The following PTPRC variants were observed in gnomAD, a reference collection of about 807,000 sequenced individuals.
PTPRC encodes protein tyrosine phosphatase receptor type C.
In PTPRC, 44 loss-of-function variants were observed where a neutral mutation model predicts 155.9. The ratio of observed to expected loss-of-function variants is 0.28; its 90% CI spans 0.22 to 0.36. The LOEUF is 0.36. PTPRC is among the 10% of genes least tolerant of loss of function. PTPRC has a pLI of 1.00. For missense variants in PTPRC, 1,401 were observed against 1,564.6 expected, an observed-to-expected ratio of 0.90 and a Z score of 1.76; for synonymous variants, 525 against 533.1, an observed-to-expected ratio of 0.98 and a Z score of 0.21.
intron 2 of PTPRC, among the ~76,000 whole-genome samples, chr1:198,649,526 C>T (rs1282943349): frequency 6.6e-6 from 1 of 151,816 alleles, no homozygotes; most frequent in Admixed American, 6.6e-5. Context: ...TGGATTCAGA[C>T]AATCGCTACT....
chr1:198,750,451 T>C, intron 28 of PTPRC, 41 bp from the exon 29 acceptor site: 1 of 1,589,884 alleles, frequency 6.3e-7, no homozygotes, highest in Non-Finnish European at 8.6e-7. Context: ...CTGAGCTCTC[T>C]TCTGTAGTAA....
chr1:198,732,858 A>AAATAC (rs1654457661), intron 20 of PTPRC, among the ~76,000 whole-genome samples: 1 of 151,920 alleles, frequency 6.6e-6, no homozygotes, highest in Admixed American at 6.6e-5. Context: ...TCTCACAAGA[A>AAATAC]GTCCACATTT....
At chr1:198,746,674 G>T (rs1443900712) in intron 26 of PTPRC, among the ~76,000 whole-genome samples, 1 of 151,804 alleles carries the variant, frequency 6.6e-6, no homozygotes, top group African/African-American at 2.4e-5. Context: ...TTAGACTTGT[G>T]ATGGCAAGTG....
intron 2 of PTPRC, among the ~76,000 whole-genome samples, chr1:198,684,629 G>C (rs1013093112): frequency 6.6e-6 from 1 of 151,732 alleles, no homozygotes; most frequent in Non-Finnish European, 1.5e-5. Flanking sequence ...GATATTTTGT[G>C]ATTTTTAAAT....
intron 2 of PTPRC, among the ~76,000 whole-genome samples, chr1:198,658,955 C>A (rs1002201047): frequency 2.6e-5 from 4 of 152,010 alleles, no homozygotes; most frequent in African/African-American, 9.7e-5. Flanking sequence ...TACAGACATG[C>A]GCAGGAAGTA....
intron 2 of PTPRC, among the ~76,000 whole-genome samples, chr1:198,684,811 C>G (rs1309257406): frequency 6.6e-6 from 1 of 152,022 alleles, no homozygotes; most frequent in Non-Finnish European, 1.5e-5. Context: ...TGGTTATCCT[C>G]TCTTTTGCTC....
rs187252346 is a variant in PTPRC, at chr1:198,659,087, T to G, written c.73+19746T>G. Among the ~76,000 whole-genome samples the G allele has an allele frequency of 5.3e-4, 81 of 152,298 alleles. No individual in the cohort carries two copies. The East Asian group carries it at 0.015, about 28-fold the overall frequency. Reference sequence around the variant, plus strand: ...AAGTTGAGAACCAACTTATTTCAAGTAAAATTAAAATTTTGAGAGATAAGA... The same window carrying G: ...AAGTTGAGAACCAACTTATTTCAAGGAAAATTAAAATTTTGAGAGATAAGA... On this transcript the variant is annotated intron_variant, in intron 2 of 32. Coordinates refer to ENST00000442510, the MANE Select transcript of PTPRC (RefSeq NM_002838.5).
At chr1:198,653,351 G>GGAGT (rs1557968942) in intron 2 of PTPRC, among the ~76,000 whole-genome samples, 1 of 151,682 alleles carries the variant, frequency 6.6e-6, no homozygotes, top group Non-Finnish European at 1.5e-5. Context: ...TTTGAAAAAC[G>GGAGT]ATAAAGGAGT....
chr1:198,696,777 G>C lies in PTPRC; in HGVS notation c.166G>C (p.Ala56Pro). 1 of 1,613,992 alleles carries C rather than the reference G, an allele frequency of 6.2e-7. No homozygotes were observed. The highest frequency in any genetic ancestry group is 1.1e-5 in the South Asian group (1 of 91,080). ...TGACCCCTTACCTACTCACACCACT[G>C]CATTCTCACCCGCAAGCACCTTTGA... is the stretch of plus-strand genomic sequence containing the variant. Reference protein sequence around the residue: ...SSDPLPTHTTAFSPASTFERE... With the variant: ...SSDPLPTHTTPFSPASTFERE... The change falls in exon 4 of 33, where the codon GCA becomes CCA. Residue 56 changes from alanine to proline, a missense_variant. Ala to Pro is a conservative substitution (Grantham distance 27). This residue lies in a region of PTPRC where 867 missense variants were observed against 970.4 expected (regional missense o/e 0.89). Transcript: ENST00000442510.
chr1:198,741,934 G>A lies in PTPRC; in HGVS notation c.2469G>A (p.Gly823=), dbSNP rs1257517332. 1.2e-6 allele frequency: 2 copies of A among 1,612,092 alleles called. No individual in the cohort carries two copies. The highest frequency in any genetic ancestry group is 4.5e-5 in the East Asian group (2 of 44,670). Residue 823 remains glycine, a synonymous_variant, in exon 24 of 33, where the codon GGG becomes GGA. Coordinates refer to ENST00000442510, the MANE Select transcript of PTPRC (RefSeq NM_002838.5). ...AGTTCACCAGCTGGCCAGACCACGG[G>A]GTGCCTGAGGATCCTCACTTGCTCC... The part of the protein sequence containing the change: ...HIQFTSWPDH[G]VPEDPHLLLK...
chr1:198,710,924 G>A (rs894547608), intron 11 of PTPRC, among the ~76,000 whole-genome samples: 6 of 152,070 alleles, frequency 3.9e-5, no homozygotes, highest in Admixed American at 2.0e-4. Flanking sequence ...GCGTGATCTC[G>A]GCTCACTGCA....
rs768022867 is a variant in PTPRC at position 198,748,130 on chromosome 1, T to C, written c.2869T>C (p.Trp957Arg). 1 of 1,603,042 alleles carries C rather than the reference T, an allele frequency of 6.2e-7. No individual in the cohort carries two copies. The highest frequency in any genetic ancestry group is 8.5e-7 in the Non-Finnish European group (1 of 1,174,562). ...EFQRLPSYRSWRTQHIGNQEE... is the reference protein window; with the variant it reads ...EFQRLPSYRSRRTQHIGNQEE... Reference sequence around the variant, plus strand: ...TCAGAGACTTCCTTCATATAGGAGCTGGAGGACACAGCACATTGGAAATCA... The same window carrying C: ...TCAGAGACTTCCTTCATATAGGAGCCGGAGGACACAGCACATTGGAAATCA... The change falls in exon 27 of 33, where the codon TGG (tryptophan) becomes CGG (arginine). Residue 957 changes from tryptophan (W) to arginine (R), a missense_variant. Coordinates refer to ENST00000442510, the MANE Select transcript of PTPRC (RefSeq NM_002838.5).
At chr1:198,679,144 GACAGCTGCTCCT>G (rs1665134792) in intron 2 of PTPRC, 1 of 210,182 alleles carries the variant, frequency 4.8e-6, no homozygotes, top group Admixed American at 4.3e-5. Flanking sequence ...CTACTTCCCA[GACAGCTGCTCCT>G]GCAGTTTGGG....
intron 8 of PTPRC, among the ~76,000 whole-genome samples, chr1:198,706,197 C>T (rs557184972): frequency 1.3e-5 from 2 of 152,246 alleles, no homozygotes; most frequent in East Asian, 3.9e-4. Flanking sequence ...AACAAAGGTG[C>T]TTTGGAGGTA....
At chr1:198,741,409 T>C (rs74134796) in intron 23 of PTPRC, among the ~76,000 whole-genome samples, 28,093 of 151,710 alleles carry the variant, frequency 0.19, 3,141 homozygotes, top group African/African-American at 0.29. Flanking sequence ...ATGAATTAGT[T>C]CTGTTTGCTG....
chr1:198,674,624 GAA>G lies in PTPRC; in HGVS notation c.74-17720_74-17719del, dbSNP rs1312961094. ...TGCAAACATTTATAAGATGTGGTAT[GAA>G]AATGTCCCAATCACAAAAACACTCA... On this transcript the variant is annotated intron_variant, in intron 2 of 32. Transcript: ENST00000442510. Among the ~76,000 whole-genome samples, 4 of 150,760 alleles carry G rather than the reference GAA, an allele frequency of 2.7e-5. No individual in the cohort carries two copies. In the South Asian group the frequency reaches 8.3e-4, roughly 31 times the overall value.
intron 22 of PTPRC, among the ~76,000 whole-genome samples, chr1:198,734,734 T>C (rs893279657): frequency 6.6e-6 from 1 of 151,780 alleles, no homozygotes; most frequent in African/African-American, 2.4e-5. Context: ...TCACAAGACC[T>C]TAATACTCGA....
intron 15 of PTPRC, among the ~76,000 whole-genome samples, chr1:198,726,860 T>C (rs552839429): frequency 2.7e-5 from 4 of 150,566 alleles, no homozygotes; most frequent in Non-Finnish European, 5.9e-5. Flanking sequence ...TCTTTTCTTT[T>C]CTTTCCTTTT....
At chr1:198,666,902 C>T (rs547845153) in intron 2 of PTPRC, 28 of 152,236 alleles carry the variant, frequency 1.8e-4, no homozygotes, top group Middle Eastern at 6.8e-3. Flanking sequence ...AATGTGATCA[C>T]TAGTGGTTCA....
Sources: gnomAD v4.1 joint callset for allele counts (sites outside exome capture counted in the v4.1 genomes callset) on GRCh38, gnomAD v4.1.1 for gene constraint, gnomAD v4.1.1 regional missense constraint, MANE v1.5 for transcripts, NCBI Gene and HGNC (gene_info 2026-07-23, HGNC 2026-07-21) for gene names.